The following CSTF3 variants were observed in gnomAD, a reference collection of about 807,000 sequenced individuals.
CSTF3 encodes the protein cleavage stimulation factor subunit 3.
In CSTF3, 29 loss-of-function variants were observed where a neutral mutation model predicts 105.8. That is an observed-to-expected ratio of 0.27 (90% CI 0.20 to 0.37). The LOEUF is 0.37. Among genes scored for constraint, CSTF3 ranks in the 10% least tolerant of loss-of-function variants. The pLI is 1.00. For missense variants in CSTF3, 357 were observed against 879.3 expected (o/e 0.41, Z 7.51); for synonymous variants, 252 against 281.9 (o/e 0.89, Z 1.06).
intron 3 of CSTF3, among the ~76,000 whole-genome samples, chr11:33,134,826 CTA>C (rs1293792158): frequency 6.6e-6 from 1 of 152,118 alleles, no homozygotes; most frequent in Admixed American, 6.6e-5. Context: ...CTGAACCTGA[CTA>C]TAGTAAGTTA....
chr11:33,146,977 C>T (rs1335045064), intron 1 of CSTF3, among the ~76,000 whole-genome samples: 1 of 151,906 alleles, frequency 6.6e-6, no homozygotes, highest in African/African-American at 2.4e-5. Context: ...AGCAGCTGAG[C>T]AACATAGTGA....
intron 1 of CSTF3, among the ~76,000 whole-genome samples, chr11:33,156,036 T>C (rs1199047087): frequency 6.6e-6 from 1 of 152,180 alleles, no homozygotes; most frequent in Non-Finnish European, 1.5e-5. Flanking sequence ...TTCTGCTGTA[T>C]CTCTAAGAAA....
chr11:33,124,554 A>G (rs142124540), intron 3 of CSTF3, among the ~76,000 whole-genome samples: 3 of 152,298 alleles, frequency 2.0e-5, no homozygotes, highest in Admixed American at 1.3e-4. Flanking sequence ...TTGCCCTGAA[A>G]AAAGTGAAGC....
At chr11:33,098,924 C>T (rs1855252058) in intron 12 of CSTF3, 110 bp downstream of exon 12, 3 of 1,437,738 alleles carry the variant, frequency 2.1e-6, no homozygotes, top group Non-Finnish European at 1.9e-6. Context: ...CATTTGGCAT[C>T]ATCTCTGTCT....
intron 15 of CSTF3, 132 bp downstream of exon 15, chr11:33,096,171 GTAT>G: frequency 1.8e-6 from 1 of 562,878 alleles, no homozygotes; most frequent in Non-Finnish European, 3.0e-6. Flanking sequence ...TATACCACAA[GTAT>G]TTCTTGAGTG....
In CSTF3 at chr11:33,085,112, G is replaced by A; in HGVS notation, c.2129C>T (p.Ala710Val). ...VVPPVHDIYR[A>V]RQQKRIR is the part of the protein sequence containing the mutation. ...CTACCGAATCCGCTTCTGCTGCCGT[G>A]CTCTGTAAATGTCATGAACAGGGGG... The change falls in exon 21 of 21, where the codon GCA (alanine) becomes GTA (valine). Residue 710 changes from alanine (A) to valine (V), a missense_variant. Ala to Val is a moderately conservative substitution (Grantham distance 64). Around this residue, in one of 4 missense-constraint regions of CSTF3, gnomAD observed 73 missense variants for 105.8 expected, o/e 0.69. Transcript: ENST00000323959. 6.2e-7 allele frequency: 1 copy of A among 1,614,142 alleles called. No individual in the cohort carries two copies. The highest frequency in any genetic ancestry group is 8.5e-7 in the Non-Finnish European group (1 of 1,180,014).
At chr11:33,093,134 G>A (rs1855185868) in intron 15 of CSTF3, among the ~76,000 whole-genome samples, 1 of 151,842 alleles carries the variant, frequency 6.6e-6, no homozygotes, top group African/African-American at 2.4e-5. Context: ...GTTTTTTATT[G>A]CCTGAGAGTA....
At chr11:33,139,823 T>G (rs1274338432) in intron 3 of CSTF3, among the ~76,000 whole-genome samples, 1 of 152,054 alleles carries the variant, frequency 6.6e-6, no homozygotes, top group African/African-American at 2.4e-5. Context: ...CAGCTCTTCA[T>G]TTCATTATAT....
chr11:33,148,644 C>T (rs985618399), intron 1 of CSTF3, among the ~76,000 whole-genome samples: 12 of 150,900 alleles, frequency 8.0e-5, no homozygotes, highest in Admixed American at 1.3e-4. Flanking sequence ...TGCAGTGAGC[C>T]GAGATTACGC....
intron 3 of CSTF3, among the ~76,000 whole-genome samples, chr11:33,139,081 C>T (rs565935726): frequency 3.3e-5 from 5 of 151,974 alleles, no homozygotes; most frequent in Admixed American, 2.6e-4. Context: ...GCATCATTAA[C>T]CTTTTTTAAA....
chr11:33,113,206 AAAAT>A (rs61101354), intron 3 of CSTF3, among the ~76,000 whole-genome samples: 48,278 of 147,004 alleles, frequency 0.33, 8,963 homozygotes, highest in Middle Eastern at 0.47. Context: ...ACTTTGTCTC[AAAAT>A]AAATAAATAA....
At chr11:33,140,207 T>G (rs1326709082) in intron 3 of CSTF3, among the ~76,000 whole-genome samples, 1 of 152,048 alleles carries the variant, frequency 6.6e-6, no homozygotes, top group Admixed American at 6.6e-5. Context: ...GTTCCTTGTT[T>G]TAATGAGTTA....
At chr11:33,157,076 G>A (rs1372600512) in intron 1 of CSTF3, among the ~76,000 whole-genome samples, 1 of 151,772 alleles carries the variant, frequency 6.6e-6, no homozygotes, top group Non-Finnish European at 1.5e-5. Flanking sequence ...CCACAGGCTG[G>A]GCGCAGTGGC....
Position 33,148,097 on chromosome 11 carries a change from C to T in CSTF3, c.28-6111G>A, listed in dbSNP as rs16923929. Among the ~76,000 whole-genome samples, 1,497 of 152,226 alleles carry T rather than the reference C, an allele frequency of 9.8e-3. 28 individuals are homozygous for T. Among genetic ancestry groups the T allele is most frequent in the African/African-American group, 0.033 (1,383 of 41,518 alleles). ...TCAAGACCCACTTGCTCAAATTAACCTACCAAATCAGGTAAGGTATACCAT... is the reference window on the plus strand; with the variant it reads ...TCAAGACCCACTTGCTCAAATTAACTTACCAAATCAGGTAAGGTATACCAT... On this transcript the variant is annotated intron_variant, in intron 1 of 20. Coordinates refer to ENST00000323959, the MANE Select transcript of CSTF3 (RefSeq NM_001326.3).
intron 3 of CSTF3, among the ~76,000 whole-genome samples, chr11:33,110,458 C>T (rs949184637): frequency 6.6e-6 from 1 of 152,126 alleles, no homozygotes; most frequent in African/African-American, 2.4e-5. Flanking sequence ...TTTGAGATTC[C>T]CATAGAACCT....
chr11:33,092,563 G>GT (rs1057176317), intron 15 of CSTF3, among the ~76,000 whole-genome samples: 2 of 152,108 alleles, frequency 1.3e-5, no homozygotes, highest in Admixed American at 1.3e-4. Context: ...TGCAAGCCAT[G>GT]TTTTTTTCCC....
chr11:33,151,793 G>C (rs1849785011), intron 1 of CSTF3, among the ~76,000 whole-genome samples: 1 of 151,994 alleles, frequency 6.6e-6, no homozygotes, highest in Non-Finnish European at 1.5e-5. Flanking sequence ...GACTTTAAAG[G>C]GGCTGTACTA....
chr11:33,136,076 C>G (rs1236797765), intron 3 of CSTF3: 1 of 152,366 alleles, frequency 6.6e-6, no homozygotes, highest in Non-Finnish European at 1.5e-5. Flanking sequence ...GAAAATTTTT[C>G]TTTGGAGGTC....
rs573000845 is a variant in CSTF3, at chr11:33,133,895, G to A, written c.225+7772C>T. Among the ~76,000 whole-genome samples the A allele has an allele frequency of 2.0e-5, 3 of 152,290 alleles. No homozygotes were observed. In the East Asian group the frequency reaches 5.8e-4, roughly 29 times the overall value. Reference sequence around the variant, plus strand: ...ATATAATGGCCTTGGATTAGATAATGAATCCGAAGAAATTTAAGAGTATTA... The same window carrying A: ...ATATAATGGCCTTGGATTAGATAATAAATCCGAAGAAATTTAAGAGTATTA... On this transcript the variant is annotated intron_variant, in intron 3 of 20. Coordinates refer to ENST00000323959, the MANE Select transcript of CSTF3 (RefSeq NM_001326.3).
Sources: gnomAD v4.1 joint callset for allele counts (sites outside exome capture counted in the v4.1 genomes callset) on GRCh38, gnomAD v4.1.1 for gene constraint, gnomAD v4.1.1 regional missense constraint, MANE v1.5 for transcripts, NCBI Gene and HGNC (gene_info 2026-07-23, HGNC 2026-07-21) for gene names.